Variants in KMT5B observed in about 807,000 individuals in gnomAD.
The protein encoded by KMT5B is histone-lysine N-methyltransferase KMT5B.
KMT5B carries 10 observed loss-of-function variants against 83.2 expected under a neutral mutation model. That is an observed-to-expected ratio of 0.12 (90% CI 0.07 to 0.20). The LOEUF (loss-of-function observed/expected upper bound fraction) is 0.20, where lower values mean the gene tolerates loss of function less well. Ranked by LOEUF, KMT5B falls within the 10% of genes least tolerant of loss-of-function variation. KMT5B has a pLI of 1.00. For missense variants in KMT5B, 753 were observed against 1,067.2 expected, an observed-to-expected ratio of 0.71 and a Z score of 4.10; for synonymous variants, 349 against 388.8, an observed-to-expected ratio of 0.90 and a Z score of 1.20.
chr11:68,176,564 T>A (rs1016064286), intron 4 of KMT5B: 2 of 152,122 alleles, frequency 1.3e-5, no homozygotes, highest in Non-Finnish European at 2.9e-5. Flanking sequence ...GGCGGATGGA[T>A]CACGAGGTCA....
chr11:68,174,056 G>A (rs761812631), intron 5 of KMT5B, 143 bp from the exon 6 acceptor site: 28 of 690,016 alleles, frequency 4.1e-5, no homozygotes, highest in Non-Finnish European at 5.8e-5. Context: ...CTGTCTCTAC[G>A]AAAAACATTA....
At chr11:68,212,702 G>C (rs1413652398) in intron 1 of KMT5B, 1 of 152,484 alleles carries the variant, frequency 6.6e-6, no homozygotes, top group South Asian at 2.1e-4. Flanking sequence ...GTGGGCTGCA[G>C]GACGAGCTCG....
chr11:68,164,597 G>C (rs1274710878), intron 10 of KMT5B: 2 of 492,384 alleles, frequency 4.1e-6, no homozygotes, highest in African/African-American at 1.9e-5. Flanking sequence ...AGCTCCTTCA[G>C]AGAGAGCACT....
intron 1 of KMT5B, among the ~76,000 whole-genome samples, chr11:68,200,274 G>C (rs1859271943): frequency 6.6e-6 from 1 of 152,178 alleles, no homozygotes; most frequent in Non-Finnish European, 1.5e-5. Context: ...AGCAGCACAG[G>C]ATCACAAAAG....
intron 1 of KMT5B, among the ~76,000 whole-genome samples, chr11:68,207,555 G>A (rs1860289720): frequency 6.6e-6 from 1 of 152,074 alleles, no homozygotes; most frequent in African/African-American, 2.4e-5. Flanking sequence ...CACTTTGGGA[G>A]GCCGAGGTGG....
rs552204715 is a variant in KMT5B, at chr11:68,208,191, G to A, written c.-77+4947C>T. On this transcript the variant is annotated intron_variant, in intron 1 of 10. Coordinates refer to ENST00000304363, the MANE Select transcript of KMT5B (RefSeq NM_017635.5). ...AAGCCAGGCACGGTGGCTCACGCCT[G>A]TAATCCCAGCACTTTAGGAGGCCGA... 5.3e-5 allele frequency among the ~76,000 whole-genome samples: 8 copies of A among 149,882 alleles called. No homozygotes were observed. The East Asian group carries it at 1.7e-3, about 32-fold the overall frequency.
chr11:68,161,386 T>C (rs1854853930), intron 10 of KMT5B, among the ~76,000 whole-genome samples: 1 of 152,176 alleles, frequency 6.6e-6, no homozygotes, highest in South Asian at 2.1e-4. Flanking sequence ...CGATGATCCT[T>C]TGCTCATTCT....
At chr11:68,188,631 C>T (rs11228157) in intron 2 of KMT5B, among the ~76,000 whole-genome samples, 18,789 of 152,072 alleles carry the variant, frequency 0.12, 1,331 homozygotes, top group East Asian at 0.23. Context: ...AGTGCCGGGA[C>T]TACAGGTGTG....
At chr11:68,174,055 C>T (rs531956822) in intron 5 of KMT5B, 142 bp from the exon 6 acceptor site, 134 of 689,804 alleles carry the variant, frequency 1.9e-4, no homozygotes, top group South Asian at 1.1e-3. Context: ...CCTGTCTCTA[C>T]GAAAAACATT....
At chr11:68,198,599 C>T (rs577968433) in intron 1 of KMT5B, among the ~76,000 whole-genome samples, 17 of 152,136 alleles carry the variant, frequency 1.1e-4, no homozygotes, top group Non-Finnish European at 1.9e-4. Flanking sequence ...AGCTGGCTCA[C>T]GTGGAAATGT....
In KMT5B at chr11:68,158,750, C is replaced by T. The variant is rs772693534; in HGVS notation, c.1596G>A (p.Ser532=). 23 of 1,613,998 alleles carry T rather than the reference C, an allele frequency of 1.4e-5. No individual in the cohort carries two copies. Among genetic ancestry groups the T allele is most frequent in the Non-Finnish European group, 1.9e-5 (22 of 1,180,034 alleles). Residue 532 remains serine, a synonymous_variant, in exon 11 of 11, where the codon TCG becomes TCA. Transcript: ENST00000304363. ...VRGAHSQGES[S]PCTYITRRSV... ...ACCGCCGAGTTATGTAGGTGCAGGGCGAGCTCTCCCCCTGCGAATGAGCAC... is the reference window on the plus strand; with the variant it reads ...ACCGCCGAGTTATGTAGGTGCAGGGTGAGCTCTCCCCCTGCGAATGAGCAC...
intron 1 of KMT5B, among the ~76,000 whole-genome samples, chr11:68,205,948 T>C (rs764278685): frequency 6.6e-6 from 1 of 152,226 alleles, no homozygotes; most frequent in African/African-American, 2.4e-5. Context: ...GACTTACTTA[T>C]TTGGCTACTG....
intron 1 of KMT5B, among the ~76,000 whole-genome samples, chr11:68,210,370 TAGAG>T (rs1169789172): frequency 6.6e-6 from 1 of 152,110 alleles, no homozygotes; most frequent in African/African-American, 2.4e-5. Context: ...CTAAGGTGAT[TAGAG>T]AGATGTCAAA....
At chr11:68,163,102 G>C (rs1854999297) in intron 10 of KMT5B, among the ~76,000 whole-genome samples, 1 of 152,216 alleles carries the variant, frequency 6.6e-6, no homozygotes, top group Non-Finnish European at 1.5e-5. Flanking sequence ...ACCTGTGTTT[G>C]AGCTTGCTGT....
At position 68,158,231 on chromosome 11, in the gene KMT5B, T is replaced by C; in HGVS notation, c.2115A>G (p.Ala705=). ...CAGAGTTATTTTCTAGGATTAACTG[T>C]GCATCATACCTTGTGATTCGCCTCT... ...KKKRRITRYD[A]QLILENNSGI... is the part of the protein sequence containing the mutation. The change falls in exon 11 of 11, where the codon GCA becomes GCG. Residue 705 remains alanine (A), a synonymous_variant. Coordinates refer to ENST00000304363, the MANE Select transcript of KMT5B (RefSeq NM_017635.5). 3.1e-6 allele frequency: 5 copies of C among 1,614,234 alleles called. No individual in the cohort carries two copies. Among genetic ancestry groups the C allele is most frequent in the Non-Finnish European group, 4.2e-6 (5 of 1,180,056 alleles).
intron 6 of KMT5B, among the ~76,000 whole-genome samples, chr11:68,172,067 G>A (rs768029968): frequency 6.6e-6 from 1 of 152,152 alleles, no homozygotes; most frequent in Non-Finnish European, 1.5e-5. Flanking sequence ...GAAGCAGGCA[G>A]GGACCAGTGG....
rs532273459 is a variant in KMT5B, at chr11:68,157,091, CA to C, written c.*596del. On this transcript the variant is annotated 3_prime_UTR_variant, in exon 11 of 11. Transcript: ENST00000304363. ...CTGAAAAGTGAGCTGTCACGTATGT[CA>C]TTTTTTTTTTTTTTTTAAGAAACCA... 4.2e-3 allele frequency: 597 copies of C among 142,604 alleles called. 6 individuals carry two copies. The highest frequency in any genetic ancestry group is 0.012 in the African/African-American group (468 of 38,852). 8.8% of individuals were successfully genotyped at this position (142,604 alleles called of 1,614,324 possible).
chr11:68,174,397 G>A (rs1856147885), intron 5 of KMT5B, among the ~76,000 whole-genome samples: 1 of 152,112 alleles, frequency 6.6e-6, no homozygotes, highest in South Asian at 2.1e-4. Context: ...TGTCAGGTCG[G>A]TGTTCAAAAA....
At chr11:68,162,941 C>T (rs1041304862) in intron 10 of KMT5B, among the ~76,000 whole-genome samples, 1 of 152,120 alleles carries the variant, frequency 6.6e-6, no homozygotes, top group African/African-American at 2.4e-5. Flanking sequence ...CCTTCACTGT[C>T]CAAAGAAGCT....
Sources: allele counts gnomAD v4.1 joint callset (sites outside exome capture counted in the v4.1 genomes callset), GRCh38; gene constraint gnomAD v4.1.1; transcripts MANE v1.5; gene names NCBI Gene and HGNC (gene_info 2026-07-23, HGNC 2026-07-21).